Variants in FBXO16 observed in about 807,000 individuals in gnomAD.
The protein encoded by FBXO16 is F-box protein 16, also known as F-box only protein 16.
A neutral mutation model predicts 41.0 loss-of-function variants in FBXO16; 31 were observed. The ratio of observed to expected loss-of-function variants is 0.76; its 90% confidence interval spans 0.57 to 1.02. The LOEUF (loss-of-function observed/expected upper bound fraction) is 1.02. FBXO16 is among the 50% of genes least tolerant of loss of function. The pLI is 0.00. For missense variants in FBXO16, 361 were observed against 346.2 expected (o/e 1.04, Z -0.34); for synonymous variants, 133 against 117.8 (o/e 1.13, Z -0.84).
At chr8:28,474,035 G>A (rs1803378996) in intron 2 of FBXO16, among the ~76,000 whole-genome samples, 1 of 151,844 alleles carries the variant, frequency 6.6e-6, no homozygotes, top group Admixed American at 6.6e-5. Context: ...GAAAGAAGAA[G>A]TAATAAGGCT....
At chr8:28,481,832 G>A (rs6984149) in intron 2 of FBXO16, among the ~76,000 whole-genome samples, 44,819 of 147,194 alleles carry the variant, frequency 0.3, 7,479 homozygotes, top group East Asian at 0.63. Context: ...AAAAAAGAAT[G>A]CAAGGCCCTG....
rs970847424 is a variant in FBXO16 at position 28,484,836 on chromosome 8, A to AC, written c.-16-1375dup. The stretch of plus-strand genomic sequence containing the variant: ...TCTCGATCTCCTGACCTCATGATCC[A>AC]CCCCCCCTGGGCCTCCCAAAGTGCT... On this transcript the variant is annotated intron_variant, in intron 1 of 8. Coordinates refer to ENST00000380254, the MANE Select transcript of FBXO16 (RefSeq NM_172366.4). 2.6e-3 allele frequency among the ~76,000 whole-genome samples: 385 copies of AC among 150,018 alleles called. 3 individuals are homozygous for AC. The highest frequency in any genetic ancestry group is 7.2e-3 in the African/African-American group (293 of 40,618).
chr8:28,438,408 A>T (rs1351040629), intron 7 of FBXO16, among the ~76,000 whole-genome samples: 1 of 152,210 alleles, frequency 6.6e-6, no homozygotes, highest in Non-Finnish European at 1.5e-5. Flanking sequence ...ACGGTCAAGG[A>T]AAAAGCAAAA....
At chr8:28,473,108 A>C (rs1803363856) in intron 3 of FBXO16, among the ~76,000 whole-genome samples, 2 of 152,106 alleles carry the variant, frequency 1.3e-5, no homozygotes, top group South Asian at 4.2e-4. Context: ...TAATTCCCAA[A>C]GTTCTGTCTC....
intron 3 of FBXO16, among the ~76,000 whole-genome samples, chr8:28,471,127 T>C (rs1803327553): frequency 6.6e-6 from 1 of 152,188 alleles, no homozygotes; most frequent in Non-Finnish European, 1.5e-5. Context: ...GATTAAGTAG[T>C]AGCATGAAAC....
intron 4 of FBXO16, among the ~76,000 whole-genome samples, chr8:28,463,085 G>T (rs1803163002): frequency 6.6e-6 from 1 of 152,168 alleles, no homozygotes; most frequent in South Asian, 2.1e-4. Context: ...GATGGTGGAG[G>T]TTAATCCAAA....
At chr8:28,480,888 A>G (rs964517040) in intron 2 of FBXO16, among the ~76,000 whole-genome samples, 12 of 152,346 alleles carry the variant, frequency 7.9e-5, no homozygotes, top group African/African-American at 2.9e-4. Context: ...CTCTTCATGC[A>G]TGGGAGTTGA....
At chr8:28,476,573 ATCT>A (rs988347486) in intron 2 of FBXO16, among the ~76,000 whole-genome samples, 2 of 152,172 alleles carry the variant, frequency 1.3e-5, no homozygotes, top group African/African-American at 2.4e-5. Context: ...ATTAAAATGG[ATCT>A]TCTTTTCTTG....
Position 28,434,808 on chromosome 8 carries a change from G to C in FBXO16, c.844-5405C>G, listed in dbSNP as rs1035193419. 2.0e-5 allele frequency among the ~76,000 whole-genome samples: 3 copies of C among 152,338 alleles called. No homozygotes were observed. In the South Asian group the frequency reaches 6.2e-4, roughly 32 times the overall value. ...GAGTGAGTGAGTGCGGGACCCAGTC[G>C]GCCGCTCTAAGCTCAAACACAGGAG... On this transcript the variant is annotated intron_variant, in intron 7 of 8. Transcript: ENST00000380254.
chr8:28,458,390 C>T (rs748822799), intron 4 of FBXO16, among the ~76,000 whole-genome samples: 14 of 152,120 alleles, frequency 9.2e-5, no homozygotes, highest in Non-Finnish European at 1.9e-4. Flanking sequence ...ACAGAAATCA[C>T]ATTTAGTTTG....
intron 6 of FBXO16, among the ~76,000 whole-genome samples, chr8:28,451,084 A>T (rs1231324300): frequency 6.6e-6 from 1 of 152,158 alleles, no homozygotes; most frequent in African/African-American, 2.4e-5. Context: ...AGCGAGAAAG[A>T]GGCACCTCCA....
intron 7 of FBXO16, among the ~76,000 whole-genome samples, chr8:28,432,400 G>T (rs564298258): frequency 2.0e-5 from 3 of 151,944 alleles, no homozygotes; most frequent in Non-Finnish European, 4.4e-5. Flanking sequence ...CTTGAACCTG[G>T]GAGTCGGAGG....
chr8:28,473,896 A>G (rs745714263), intron 2 of FBXO16, 89 bp from the exon 3 acceptor site: 35 of 946,772 alleles, frequency 3.7e-5, no homozygotes, highest in Non-Finnish European at 4.3e-5. Flanking sequence ...GGATCGGTGA[A>G]TAAACATTCA....
At chr8:28,459,491 G>A (rs1192451697) in intron 4 of FBXO16, among the ~76,000 whole-genome samples, 3 of 151,646 alleles carry the variant, frequency 2.0e-5, no homozygotes, top group Non-Finnish European at 4.4e-5. Flanking sequence ...GGTGACATGC[G>A]CCTGTAATCC....
intron 3 of FBXO16, among the ~76,000 whole-genome samples, chr8:28,470,056 C>T (rs895823557): frequency 8.2e-5 from 12 of 145,502 alleles, no homozygotes; most frequent in South Asian, 2.2e-4. Context: ...TAGCCGGGCG[C>T]GGTGGTGGGC....
chr8:28,480,172 C>T (rs1374243900), intron 2 of FBXO16, among the ~76,000 whole-genome samples: 1 of 151,940 alleles, frequency 6.6e-6, no homozygotes, highest in Non-Finnish European at 1.5e-5. Context: ...TTCCTCTTTC[C>T]TCATTTCCTT....
At chr8:28,444,302 CTT>C (rs575375088) in intron 7 of FBXO16, among the ~76,000 whole-genome samples, 22,120 of 127,906 alleles carry the variant, frequency 0.17, 1,575 homozygotes, top group South Asian at 0.27. Context: ...AATATTTCTT[CTT>C]TTTTTTTTTT....
intron 7 of FBXO16, among the ~76,000 whole-genome samples, chr8:28,433,938 T>A (rs754139491): frequency 7.9e-5 from 12 of 150,946 alleles, no homozygotes; most frequent in Non-Finnish European, 1.6e-4. Context: ...TCTACAGACC[T>A]GTGTTTTTCA....
At chr8:28,439,390 T>C (rs907003893) in intron 7 of FBXO16, among the ~76,000 whole-genome samples, 2 of 152,230 alleles carry the variant, frequency 1.3e-5, no homozygotes, top group South Asian at 4.2e-4. Flanking sequence ...GTTAAAAACC[T>C]CTCCAATGGA....
Sources: gnomAD v4.1 joint callset for allele counts (sites outside exome capture counted in the v4.1 genomes callset) on GRCh38, gnomAD v4.1.1 for gene constraint, MANE v1.5 for transcripts, NCBI Gene and HGNC (gene_info 2026-07-23, HGNC 2026-07-21) for gene names.